Variants in USP43 observed in about 807,000 individuals in gnomAD.
USP43 encodes ubiquitin carboxyl-terminal hydrolase 43.
In USP43, 33 loss-of-function variants were observed where a neutral mutation model predicts 90.7. The ratio of observed to expected loss-of-function variants is 0.36; its 90% confidence interval spans 0.28 to 0.49. The LOEUF is 0.49. Among genes scored for constraint, USP43 ranks in the 20% least tolerant of loss-of-function variants. The pLI is 0.98. For synonymous variants in USP43, 598 were observed against 615.8 expected (o/e 0.97, Z 0.43); for missense variants, 1,274 against 1,476.4 (o/e 0.86, Z 2.25).
rs1414462421 is a variant in USP43, at chr17:9,645,962, T to C, written c.330T>C (p.Cys110=). The C allele has an allele frequency of 6.8e-7, 1 of 1,476,336 alleles. No individual in the cohort carries two copies. Among genetic ancestry groups the C allele is most frequent in the Non-Finnish European group, 8.9e-7 (1 of 1,117,680 alleles). 91.5% of individuals were successfully genotyped at this position (1,476,336 alleles called of 1,614,324 possible). Residue 110 remains cysteine (C), a synonymous_variant, in exon 1 of 15, where the codon TGT becomes TGC. Transcript: ENST00000285199. This position sits in a 1 kb window ranked among gnomAD's most constrained non-coding sequence, Gnocchi z 6.8. The stretch of plus-strand genomic sequence containing the variant: ...GCTTGAAGAACCACGGCAACACCTG[T>C]TTCATGAACGCGGTGGTGCAGTGTC... ...AQGLKNHGNT[C]FMNAVVQCLS...
Position 9,701,809 on chromosome 17 carries a change from C to T in USP43, c.2011+109C>T. On this transcript the variant is annotated intron_variant, in intron 12 of 14. Coordinates refer to ENST00000285199, the MANE Select transcript of USP43 (RefSeq NM_153210.5). This position sits in a 1 kb window ranked among gnomAD's most constrained non-coding sequence, Gnocchi z 7.2. ...AGCTCCCTGGGGCACTTATTGAGAT[C>T]CGACCCCTCACCCACCGCACACCAG... The T allele has an allele frequency of 1.0e-6, 1 of 958,878 alleles. No individual in the cohort carries two copies. 59.4% of individuals were successfully genotyped at this position (958,878 alleles called of 1,614,324 possible).
chr17:9,725,531 C>T (rs186850179), intron 14 of USP43, among the ~76,000 whole-genome samples: 182 of 152,300 alleles, frequency 1.2e-3, no homozygotes, highest in African/African-American at 3.9e-3. Flanking sequence ...TCTTATGCTG[C>T]TTATTTCTCA....
chr17:9,700,555 A>G (rs1915511278), intron 10 of USP43, among the ~76,000 whole-genome samples: 1 of 152,122 alleles, frequency 6.6e-6, no homozygotes, highest in African/African-American at 2.4e-5. Context: ...TGCACACTTC[A>G]TGTGTGTATA....
chr17:9,713,029 G>T (rs574517412), intron 14 of USP43, among the ~76,000 whole-genome samples: 8 of 151,970 alleles, frequency 5.3e-5, no homozygotes, highest in Non-Finnish European at 1.2e-4. Flanking sequence ...ACAATATATT[G>T]TTGGTAACTG....
At chr17:9,727,473 T>C (rs1286153375) in intron 14 of USP43, among the ~76,000 whole-genome samples, 5 of 152,190 alleles carry the variant, frequency 3.3e-5, no homozygotes, top group Admixed American at 1.3e-4. Flanking sequence ...GCAAAAGTAA[T>C]TGTGGTTTTC....
intron 9 of USP43, among the ~76,000 whole-genome samples, chr17:9,699,397 C>T (rs1442309221): frequency 6.6e-6 from 1 of 152,250 alleles, no homozygotes; most frequent in Non-Finnish European, 1.5e-5. Flanking sequence ...CAGCTCAGAC[C>T]TGTCCATGCT....
At chr17:9,672,182 A>C (rs1418801410) in intron 3 of USP43, among the ~76,000 whole-genome samples, 1 of 152,012 alleles carries the variant, frequency 6.6e-6, no homozygotes, top group Non-Finnish European at 1.5e-5. Context: ...TTTTTAGTAG[A>C]GATGGGGTTT....
intron 2 of USP43, among the ~76,000 whole-genome samples, chr17:9,659,353 A>G (rs1912485504): frequency 1.3e-5 from 2 of 152,070 alleles, no homozygotes; most frequent in Admixed American, 6.5e-5. Context: ...TATAAGGATA[A>G]CTCCTATTTT....
intron 14 of USP43, 115 bp downstream of exon 14, chr17:9,712,247 G>A (rs537927710): frequency 2.3e-5 from 29 of 1,278,070 alleles, no homozygotes; most frequent in African/African-American, 1.7e-4. Context: ...CCATCATTAC[G>A]AGAGGTTTGT....
At chr17:9,700,581 C>G (rs903483355) in intron 10 of USP43, among the ~76,000 whole-genome samples, 1 of 152,170 alleles carries the variant, frequency 6.6e-6, no homozygotes, top group Non-Finnish European at 1.5e-5. Context: ...TTTATTTAAT[C>G]TTAATCACAC....
At chr17:9,688,738 G>A (rs1914751700) in intron 8 of USP43, among the ~76,000 whole-genome samples, 3 of 152,128 alleles carry the variant, frequency 2.0e-5, no homozygotes. Context: ...CCAGGCTGGA[G>A]TGCCGTGGTG....
chr17:9,681,838 C>A (rs187696330), intron 6 of USP43, among the ~76,000 whole-genome samples: 40 of 152,122 alleles, frequency 2.6e-4, no homozygotes, highest in Admixed American at 4.6e-4. Flanking sequence ...TTACTTTATA[C>A]CCCAGATGAT....
chr17:9,704,294 C>A (rs1378905996), intron 12 of USP43, among the ~76,000 whole-genome samples: 2 of 152,104 alleles, frequency 1.3e-5, no homozygotes, highest in African/African-American at 4.8e-5. Context: ...TGGGAAATAT[C>A]TTTGTGCTTT....
At chr17:9,688,917 G>A (rs1032634010) in intron 8 of USP43, among the ~76,000 whole-genome samples, 1 of 151,734 alleles carries the variant, frequency 6.6e-6, no homozygotes, top group Non-Finnish European at 1.5e-5. Flanking sequence ...TTGAACTCCC[G>A]GGCTCAGTTG....
rs1915490256 is a variant in USP43 at position 9,700,185 on chromosome 17, A to T, written c.1471A>T (p.Arg491Trp). ...TTCTCTTCTCAGGGTTTTGCATCTC[A>T]GGAGGCCAGGAGGCCCTCCACATGT... Reference protein sequence around the residue: ...HWAVDRVLHLRRPGGPPHVKL... With the variant: ...HWAVDRVLHLWRPGGPPHVKL... The change falls in exon 10 of 15, where the codon AGG becomes TGG. Residue 491 changes from arginine to tryptophan, a missense_variant. Coordinates refer to ENST00000285199, the MANE Select transcript of USP43 (RefSeq NM_153210.5). The T allele has an allele frequency of 6.2e-7, 1 of 1,605,302 alleles. No homozygotes were observed. Among genetic ancestry groups the T allele is most frequent in the African/African-American group, 1.3e-5 (1 of 74,836 alleles).
rs1457197849 is a variant in USP43 at position 9,682,929 on chromosome 17, C to A, written c.1212C>A (p.Asn404Lys). Residue 404 changes from asparagine (N) to lysine (K), a missense_variant, in exon 7 of 15, where the codon AAC becomes AAA. Physicochemically the swap from Asn to Lys is moderately conservative, Grantham distance 94. This residue lies in a region of USP43 where 253 missense variants were observed against 276.0 expected (regional missense o/e 0.92). Coordinates refer to ENST00000285199, the MANE Select transcript of USP43 (RefSeq NM_153210.5). ...GCAAGGTGCTAATCCTCTTCTGTAA[C>A]TTGGTGGGGTCAGGGCAGCAGGCTA... ...SESKVLILFC[N>K]LVGSGQQASR... is the part of the protein sequence containing the mutation. The A allele has an allele frequency of 6.2e-7, 1 of 1,613,978 alleles. No individual in the cohort carries two copies. The highest frequency in any genetic ancestry group is 1.1e-5 in the South Asian group (1 of 91,072).
Position 9,682,809 on chromosome 17 carries a change from T to C in USP43, c.1106-14T>C. 6.2e-7 allele frequency: 1 copy of C among 1,612,740 alleles called. No homozygotes were observed. The highest frequency in any genetic ancestry group is 1.1e-5 in the South Asian group (1 of 90,982). On this transcript the variant is annotated splice_polypyrimidine_tract_variant and intron_variant, in intron 6 of 14. Transcript: ENST00000285199. ...CTTTAGGAATATGAACAAATGTCATTCTCTCCCTTCTAGCTCATCCACTGG... is the reference window on the plus strand; with the variant it reads ...CTTTAGGAATATGAACAAATGTCATCCTCTCCCTTCTAGCTCATCCACTGG...
intron 3 of USP43, among the ~76,000 whole-genome samples, chr17:9,668,337 T>C (rs1913179262): frequency 6.6e-6 from 1 of 152,210 alleles, no homozygotes; most frequent in South Asian, 2.1e-4. Context: ...CCATACTTTT[T>C]GGGGATTTGT....
rs34165346 is a variant in USP43, at chr17:9,706,631, A to ATTT, written c.2012-3297_2012-3295dup. Among the ~76,000 whole-genome samples, 88 of 84,470 alleles carry ATTT rather than the reference A, an allele frequency of 1.0e-3. 2 individuals are homozygous for ATTT. The highest frequency in any genetic ancestry group is 1.6e-3 in the East Asian group (4 of 2,564). 55.4% of individuals were successfully genotyped at this position (84,470 alleles called of 152,430 possible). A position where few individuals can be genotyped will look rare whatever the true frequency, so the allele number is the denominator to read the frequency against. On this transcript the variant is annotated intron_variant, in intron 12 of 14. Transcript: ENST00000285199. ...ATGCCATCTGCCCTATCAGATATTA[A>ATTT]TTTTTTTTTTTTTTTTTTTTTTTTT...
Sources: gnomAD v4.1 joint callset for allele counts (sites outside exome capture counted in the v4.1 genomes callset) on GRCh38, gnomAD v4.1.1 for gene constraint, gnomAD v4.1.1 regional missense constraint, Gnocchi (gnomAD v3.1) non-coding constraint, MANE v1.5 for transcripts, NCBI Gene and HGNC (gene_info 2026-07-23, HGNC 2026-07-21) for gene names.